The following PRDM16 variants were observed in gnomAD, a reference collection of about 807,000 sequenced individuals.
PRDM16 encodes the protein PR/SET domain 16, also known as histone-lysine N-methyltransferase PRDM16.
PRDM16 carries 23 observed loss-of-function variants against 110.6 expected under a neutral mutation model. That is an observed-to-expected ratio of 0.21 (90% CI 0.15 to 0.29). PRDM16 has a LOEUF of 0.29. Among genes scored for constraint, PRDM16 ranks in the 10% least tolerant of loss-of-function variants. The probability of loss-of-function intolerance (pLI) is 1.00; values close to 1 mark genes in which losing one functional copy is unlikely to be tolerated. For missense variants in PRDM16, 1,615 were observed against 1,794.3 expected, an observed-to-expected ratio of 0.90 and a Z score of 1.81; for synonymous variants, 799 against 781.8, an observed-to-expected ratio of 1.02 and a Z score of -0.37.
intron 2 of PRDM16, among the ~76,000 whole-genome samples, chr1:3,187,581 G>A (rs1045683718): frequency 2.0e-5 from 3 of 152,216 alleles, no homozygotes; most frequent in Non-Finnish European, 4.4e-5. Context: ...CAGCCCTTGA[G>A]CACCTCCCCG....
intron 3 of PRDM16, among the ~76,000 whole-genome samples, chr1:3,262,897 G>A (rs1393381147): frequency 1.3e-5 from 2 of 152,206 alleles, no homozygotes; most frequent in Non-Finnish European, 1.5e-5. Flanking sequence ...CACCTGCGGT[G>A]TGCTGCCGCG....
chr1:3,296,670 G>T (rs1172421884), intron 3 of PRDM16, among the ~76,000 whole-genome samples: 2 of 152,232 alleles, frequency 1.3e-5, no homozygotes, highest in Admixed American at 1.3e-4. Context: ...GTCGTGTGTG[G>T]ACCAGGATGG....
At chr1:3,260,978 C>G (rs1038772152) in intron 3 of PRDM16, among the ~76,000 whole-genome samples, 6 of 151,340 alleles carry the variant, frequency 4.0e-5, no homozygotes, top group Admixed American at 2.0e-4. Context: ...GGACAAGTCA[C>G]TTAACCTCTC....
At chr1:3,224,465 G>T (rs879362395) in intron 2 of PRDM16, among the ~76,000 whole-genome samples, 9 of 151,680 alleles carry the variant, frequency 5.9e-5, no homozygotes, top group South Asian at 2.1e-4. Context: ...CTCCCCTTCC[G>T]CATGTGCCCA....
At chr1:3,366,780 AT>A (rs1223606590) in intron 3 of PRDM16, among the ~76,000 whole-genome samples, 1 of 151,996 alleles carries the variant, frequency 6.6e-6, no homozygotes, top group African/African-American at 2.4e-5. Context: ...TATTTATTTT[AT>A]TTTTTTACTA....
At chr1:3,351,529 T>TCCCCTCCTCTCTCTC in intron 3 of PRDM16, among the ~76,000 whole-genome samples, 1 of 8,218 alleles carries the variant, frequency 1.2e-4, no homozygotes, top group South Asian at 4.5e-3. Flanking sequence ...AACCCGTCTC[T>TCCCCTCCTCTCTCTC]GTCCCCCTCC....
At chr1:3,392,767 A>T (rs1643319407) in intron 4 of PRDM16, among the ~76,000 whole-genome samples, 1 of 152,196 alleles carries the variant, frequency 6.6e-6, no homozygotes, top group South Asian at 2.1e-4. Flanking sequence ...TGTCTGAATG[A>T]ACGTGGCCTG....
At chr1:3,410,329 C>G (rs551201529) in intron 8 of PRDM16, among the ~76,000 whole-genome samples, 1 of 152,312 alleles carries the variant, frequency 6.6e-6, no homozygotes, top group Non-Finnish European at 1.5e-5. Flanking sequence ...GCACTGCCCT[C>G]TCCTGTTGAG....
chr1:3,341,305 A>G (rs1179720592), intron 3 of PRDM16, among the ~76,000 whole-genome samples: 12 of 152,152 alleles, frequency 7.9e-5, no homozygotes, highest in Admixed American at 7.9e-4. Context: ...GGGAGTGACC[A>G]GGGCTCACCT....
rs762518383 is a variant in PRDM16, at chr1:3,435,090, C to T, written c.*1279C>T. The T allele has an allele frequency of 8.4e-5, 19 of 226,298 alleles. No homozygotes were observed. The highest frequency in any genetic ancestry group is 1.9e-4 in the South Asian group (1 of 5,232). 14.0% of individuals were successfully genotyped at this position (226,298 alleles called of 1,614,324 possible). A position where few individuals can be genotyped will look rare whatever the true frequency, so the allele number is the denominator to read the frequency against. ...GCCGCAAGGAGCAGAGACAGCACAG[C>T]CCCCCGGGCCCAGCCGCCTCCCTCT... On this transcript the variant is annotated 3_prime_UTR_variant, in exon 17 of 17. Transcript: ENST00000270722.
At chr1:3,146,855 T>TGG (rs771571319) in intron 1 of PRDM16, among the ~76,000 whole-genome samples, 1 of 83,174 alleles carries the variant, frequency 1.2e-5, no homozygotes, top group Non-Finnish European at 2.2e-5. Flanking sequence ...GTGCTCAGTG[T>TGG]GGGGTGTGTG....
At position 3,434,123 on chromosome 1, in the gene PRDM16, C is replaced by T. The variant is rs773228046; in HGVS notation, c.*312C>T. 2.0e-5 allele frequency: 7 copies of T among 356,236 alleles called. No homozygotes were observed. The highest frequency in any genetic ancestry group is 3.1e-5 in the Non-Finnish European group (6 of 195,564). 22.1% of individuals were successfully genotyped at this position (356,236 alleles called of 1,614,324 possible). ...AGCCAGTGGGCAGGTGGACGCTCTG[C>T]TGAGACAGAAGCTGGTGGCCACTGC... On this transcript the variant is annotated 3_prime_UTR_variant, in exon 17 of 17. Coordinates refer to ENST00000270722, the MANE Select transcript of PRDM16 (RefSeq NM_022114.4).
chr1:3,370,836 C>T lies in PRDM16; in HGVS notation c.439-14316C>T, dbSNP rs551255641. Among the ~76,000 whole-genome samples, 220 of 152,182 alleles carry T rather than the reference C, an allele frequency of 1.4e-3. 1 individual carries two copies. Among genetic ancestry groups the T allele is most frequent in the African/African-American group, 5.2e-3 (215 of 41,502 alleles). On this transcript the variant is annotated intron_variant, in intron 3 of 16. Transcript: ENST00000270722. This position sits in a 1 kb window ranked among gnomAD's most constrained non-coding sequence, Gnocchi z 4.8. ...ATTAATCCATCCACCATCTATTCAT[C>T]CATCCGTCCACCCACCCATCCATCC...
Position 3,290,959 on chromosome 1 carries a change from TACG to T in PRDM16, c.438+46824_438+46826del, listed in dbSNP as rs1447405579. On this transcript the variant is annotated intron_variant, in intron 3 of 16. Coordinates refer to ENST00000270722, the MANE Select transcript of PRDM16 (RefSeq NM_022114.4). This position sits in a 1 kb window ranked among gnomAD's most constrained non-coding sequence, Gnocchi z 4.8. ...TCATCGGGGGCCTTATTAACCTTCTTACGATGTGATAGGAGCGGCTTGGCCTCC... is the reference window on the plus strand; with the variant it reads ...TCATCGGGGGCCTTATTAACCTTCTTATGTGATAGGAGCGGCTTGGCCTCC... 6.6e-6 allele frequency among the ~76,000 whole-genome samples: 1 copy of T among 152,024 alleles called. No individual in the cohort carries two copies. Among genetic ancestry groups the T allele is most frequent in the Non-Finnish European group, 1.5e-5 (1 of 68,008 alleles).
At chr1:3,121,411 T>C (rs1643090944) in intron 1 of PRDM16, among the ~76,000 whole-genome samples, 1 of 152,250 alleles carries the variant, frequency 6.6e-6, no homozygotes, top group South Asian at 2.1e-4. Flanking sequence ...GGAGCTGTTT[T>C]CAGGACCGGG....
chr1:3,337,999 G>A (rs537570546), intron 3 of PRDM16, among the ~76,000 whole-genome samples: 119 of 152,278 alleles, frequency 7.8e-4, no homozygotes, highest in Non-Finnish European at 1.4e-3. Context: ...AAAAACACAT[G>A]CACACAAATG....
chr1:3,166,122 T>C (rs1468919645), intron 1 of PRDM16, among the ~76,000 whole-genome samples: 1 of 152,234 alleles, frequency 6.6e-6, no homozygotes, highest in South Asian at 2.1e-4. Flanking sequence ...GAACCTCACC[T>C]TGCTTTCCGT....
At chr1:3,356,194 C>T (rs1019330408) in intron 3 of PRDM16, among the ~76,000 whole-genome samples, 6 of 152,208 alleles carry the variant, frequency 3.9e-5, no homozygotes, top group African/African-American at 1.2e-4. Flanking sequence ...AGCACGCGGG[C>T]ACAGATGAAT....
Position 3,370,968 on chromosome 1 carries a change from T to C in PRDM16, c.439-14184T>C, listed in dbSNP as rs570061632. Among the ~76,000 whole-genome samples the C allele has an allele frequency of 6.7e-6, 1 of 150,032 alleles. No individual in the cohort carries two copies. The highest frequency in any genetic ancestry group is 6.6e-5 in the Admixed American group (1 of 15,066). The stretch of plus-strand genomic sequence containing the variant: ...CATCCATTCACCATCCATCGATTCA[T>C]CCATTTGTCCATCCACCCACCGATC... On this transcript the variant is annotated intron_variant, in intron 3 of 16. Transcript: ENST00000270722. The surrounding 1 kb of genome is among the most constrained non-coding windows in gnomAD (Gnocchi z 4.8).
Sources: allele counts gnomAD v4.1 joint callset (sites outside exome capture counted in the v4.1 genomes callset), GRCh38; gene constraint gnomAD v4.1.1; non-coding constraint Gnocchi (gnomAD v3.1); transcripts MANE v1.5; gene names NCBI Gene and HGNC (gene_info 2026-07-23, HGNC 2026-07-21).